Variants in CAST observed in about 807,000 individuals in gnomAD.
CAST encodes the protein calpastatin.
CAST carries 76 observed loss-of-function variants against 119.6 expected under a neutral mutation model. The observed-to-expected ratio is 0.64, with a 90% CI of 0.53 to 0.77. The LOEUF is 0.77. Among genes scored for constraint, CAST ranks in the 30% least tolerant of loss-of-function variants. The pLI, the probability that CAST is intolerant of heterozygous loss-of-function variation, is 0.00. For missense variants in CAST, 953 were observed against 946.5 expected (o/e 1.01, Z -0.09); for synonymous variants, 319 against 331.6 (o/e 0.96, Z 0.41).
chr5:96,720,970 A>G (rs1268517162), intron 3 of CAST, among the ~76,000 whole-genome samples: 2 of 152,256 alleles, frequency 1.3e-5, no homozygotes, highest in Non-Finnish European at 2.9e-5. Flanking sequence ...AAATCTGTAT[A>G]ATCAATTCCA....
At chr5:96,233,419 G>A in the CAST span, among the ~76,000 whole-genome samples, 1 of 152,032 alleles carries the variant, frequency 6.6e-6, no homozygotes, top group African/African-American at 2.4e-5. Context: ...TTAGGTCTAT[G>A]TGGCAAGTAA....
At chr5:96,538,740 A>G (rs375809347) in intron 1 of CAST, among the ~76,000 whole-genome samples, 1 of 71,962 alleles carries the variant, frequency 1.4e-5, no homozygotes. Context: ...AGACCCCCCC[A>G]CACACACACC....
At chr5:96,321,543 TA>T in the CAST span, among the ~76,000 whole-genome samples, 2 of 152,252 alleles carry the variant, frequency 1.3e-5, no homozygotes, top group Non-Finnish European at 2.9e-5. Context: ...TCTTTTCTTC[TA>T]AAAGAGCATT....
chr5:96,753,445 T>C (rs1238335769), intron 20 of CAST, among the ~76,000 whole-genome samples: 2 of 152,230 alleles, frequency 1.3e-5, no homozygotes, highest in Non-Finnish European at 2.9e-5. Flanking sequence ...AATACCAGCA[T>C]GGCCAGAGTT....
rs182950712 is a variant in CAST, at chr5:96,721,336, C to G, written c.211-1303C>G. ...CTGTCTGTAAATTATGATAGTTTAACTACAAGCATCAATGTGTTCTGCATT... is the reference window on the plus strand; with the variant it reads ...CTGTCTGTAAATTATGATAGTTTAAGTACAAGCATCAATGTGTTCTGCATT... On this transcript the variant is annotated intron_variant, in intron 3 of 31. Transcript: ENST00000675179. Among the ~76,000 whole-genome samples, 189 of 152,258 alleles carry G rather than the reference C, an allele frequency of 1.2e-3. 1 individual carries two copies. Among genetic ancestry groups the G allele is most frequent in the African/African-American group, 4.1e-3 (170 of 41,542 alleles).
At chr5:96,045,004 A>C in the CAST span, among the ~76,000 whole-genome samples, 6 of 152,204 alleles carry the variant, frequency 3.9e-5, no homozygotes, top group Non-Finnish European at 5.9e-5. Flanking sequence ...GAGGTCTAAT[A>C]ATGTTTTTAT....
the CAST span, among the ~76,000 whole-genome samples, chr5:96,050,359 G>T: frequency 1.3e-5 from 2 of 151,880 alleles, no homozygotes; most frequent in South Asian, 2.1e-4. Flanking sequence ...GAGACAGAAA[G>T]AATTCTGAAG....
the CAST span, among the ~76,000 whole-genome samples, chr5:96,488,667 TC>T: frequency 7.2e-5 from 11 of 152,166 alleles, no homozygotes; most frequent in Non-Finnish European, 2.9e-5. Context: ...GGACTCCGTT[TC>T]CTTTCTTGGA....
At chr5:96,625,879 T>C (rs1306881519) in intron 1 of CAST, among the ~76,000 whole-genome samples, 2 of 152,106 alleles carry the variant, frequency 1.3e-5, no homozygotes, top group African/African-American at 4.8e-5. Context: ...TCCCTGCCCC[T>C]TGCAAGACAC....
chr5:96,525,318 C>G (rs1745580686), upstream of CAST: 1 of 152,166 alleles, frequency 6.6e-6, no homozygotes, highest in African/African-American at 2.4e-5. Context: ...CATTGGCTCT[C>G]ATGATGGTTC....
At chr5:96,373,552 C>T in the CAST span, among the ~76,000 whole-genome samples, 2 of 152,172 alleles carry the variant, frequency 1.3e-5, no homozygotes, top group African/African-American at 4.8e-5. Context: ...AAAATTGCTT[C>T]ATATCCTGGA....
chr5:96,238,901 C>T, the CAST span, among the ~76,000 whole-genome samples: 3 of 152,092 alleles, frequency 2.0e-5, no homozygotes, highest in Non-Finnish European at 4.4e-5. Context: ...CCTCCTTAAT[C>T]AGCAAACTTA....
At chr5:96,434,483 G>A in the CAST span, among the ~76,000 whole-genome samples, 3 of 152,206 alleles carry the variant, frequency 2.0e-5, no homozygotes, top group Non-Finnish European at 4.4e-5. Context: ...GCCGCAGGGG[G>A]GAGTGTGGTT....
At chr5:96,110,062 A>G in the CAST span, among the ~76,000 whole-genome samples, 2 of 152,210 alleles carry the variant, frequency 1.3e-5, no homozygotes, top group African/African-American at 4.8e-5. Context: ...CAAGGCCCCT[A>G]GAATAAAAAA....
chr5:96,308,331 G>T, the CAST span, among the ~76,000 whole-genome samples: 16 of 151,838 alleles, frequency 1.1e-4, no homozygotes, highest in African/African-American at 3.4e-4. Flanking sequence ...CTCTACACTG[G>T]TTATTCTAGT....
the CAST span, among the ~76,000 whole-genome samples, chr5:96,246,462 G>T: frequency 6.6e-6 from 1 of 152,122 alleles, no homozygotes; most frequent in African/African-American, 2.4e-5. Flanking sequence ...GGGATTACAG[G>T]CGTGAGCCAA....
At chr5:95,961,637 C>T in the CAST span, 1 of 1,610,410 alleles carries the variant, frequency 6.2e-7, no homozygotes, top group Non-Finnish European at 8.5e-7. Flanking sequence ...ACATGCAGTA[C>T]GGTGATGTTG....
the CAST span, among the ~76,000 whole-genome samples, chr5:96,331,718 A>G: frequency 1.3e-5 from 2 of 152,216 alleles, no homozygotes; most frequent in South Asian, 2.1e-4. Context: ...ACAACATTAC[A>G]TATTTACTGA....
At chr5:96,728,676 A>G (rs1194407599) in intron 6 of CAST, 5 of 152,490 alleles carry the variant, frequency 3.3e-5, no homozygotes, top group African/African-American at 1.2e-4. Flanking sequence ...ACGGGGTTTC[A>G]CTGTGTTAGC....
Sources: gnomAD v4.1 joint callset for allele counts (sites outside exome capture counted in the v4.1 genomes callset) on GRCh38, gnomAD v4.1.1 for gene constraint, MANE v1.5 for transcripts, NCBI Gene and HGNC (gene_info 2026-07-23, HGNC 2026-07-21) for gene names.